DGLUCY: variants seen among roughly 807,000 people sequenced by gnomAD.
The protein encoded by DGLUCY is D-glutamate cyclase.
DGLUCY carries 58 observed loss-of-function variants against 58.5 expected under a neutral mutation model. The observed-to-expected ratio is 0.99, with a 90% CI of 0.80 to 1.23. The LOEUF (loss-of-function observed/expected upper bound fraction) is 1.23. Ranked by LOEUF, DGLUCY falls within the 50% of genes most tolerant of loss-of-function variation. The probability of loss-of-function intolerance (pLI) is 0.00; values close to 1 mark genes in which losing one functional copy is unlikely to be tolerated. For synonymous variants in DGLUCY, 325 were observed against 314.1 expected (o/e 1.03, Z -0.37); for missense variants, 779 against 784.7 (o/e 0.99, Z 0.09).
chr14:91,108,557 G>GAGAGAGAC (rs1566943432), intron 1 of DGLUCY, among the ~76,000 whole-genome samples: 1 of 149,248 alleles, frequency 6.7e-6, no homozygotes, highest in East Asian at 2.0e-4. Flanking sequence ...GAGAGAGAGA[G>GAGAGAGAC]AGACAGAGTT....
chr14:91,073,194 A>C (rs999148453), intron 1 of DGLUCY, among the ~76,000 whole-genome samples: 3 of 152,152 alleles, frequency 2.0e-5, no homozygotes, highest in Non-Finnish European at 2.9e-5. Flanking sequence ...CATGCCTAGC[A>C]CTTTGAGAGG....
intron 1 of DGLUCY, among the ~76,000 whole-genome samples, chr14:91,093,823 A>C (rs553032114): frequency 1.4e-5 from 2 of 144,354 alleles, no homozygotes; most frequent in South Asian, 4.7e-4. Context: ...AACAAACAGA[A>C]GACCATTATG....
chr14:91,193,889 C>CATTT (rs1376582230), intron 9 of DGLUCY, among the ~76,000 whole-genome samples: 1 of 150,988 alleles, frequency 6.6e-6, no homozygotes. Flanking sequence ...TAGGCATTGT[C>CATTT]ATTTCTTTCC....
intron 3 of DGLUCY, among the ~76,000 whole-genome samples, chr14:91,161,253 G>A (rs1225381391): frequency 5.3e-5 from 8 of 152,174 alleles, no homozygotes; most frequent in Admixed American, 5.2e-4. Flanking sequence ...TGTATTTTTA[G>A]TAGAGACGGG....
chr14:91,137,747 G>A (rs922783706), intron 1 of DGLUCY, among the ~76,000 whole-genome samples: 1 of 151,958 alleles, frequency 6.6e-6, no homozygotes, highest in African/African-American at 2.4e-5. Flanking sequence ...GAAGGTTAGA[G>A]TAATATTTCT....
chr14:91,146,521 G>C (rs1019651861), intron 1 of DGLUCY, among the ~76,000 whole-genome samples: 1 of 152,106 alleles, frequency 6.6e-6, no homozygotes, highest in East Asian at 1.9e-4. Flanking sequence ...TCTCATATGG[G>C]GCTCCGAGCA....
intron 1 of DGLUCY, among the ~76,000 whole-genome samples, chr14:91,061,305 T>G (rs1351024408): frequency 2.6e-5 from 4 of 152,116 alleles, no homozygotes; most frequent in Non-Finnish European, 5.9e-5. Flanking sequence ...GTTACAAAAA[T>G]TCACAGTCCC....
rs184126590 is a variant in DGLUCY, at chr14:91,210,532, C to T, written c.1565-4873C>T. Among the ~76,000 whole-genome samples the T allele has an allele frequency of 2.1e-3, 319 of 151,576 alleles. 3 individuals carry two copies. Among genetic ancestry groups the T allele is most frequent in the Middle Eastern group, 3.4e-3 (1 of 294 alleles). On this transcript the variant is annotated intron_variant, in intron 12 of 13. Transcript: ENST00000256324. ...GGCAACAGAGTGAGACTCTGTCTCT[C>T]AAAAATAAAAATAAAATAATTTTTT...
chr14:91,139,959 A>G (rs748393502), intron 1 of DGLUCY, among the ~76,000 whole-genome samples: 2 of 152,158 alleles, frequency 1.3e-5, no homozygotes, highest in African/African-American at 2.4e-5. Flanking sequence ...CCCATGTTGC[A>G]AGAGAAAGGG....
rs565991082 is a variant in DGLUCY at position 91,198,535 on chromosome 14, C to T, written c.1296-1222C>T. On this transcript the variant is annotated intron_variant, in intron 10 of 13. Coordinates refer to ENST00000256324, the MANE Select transcript of DGLUCY (RefSeq NM_001102368.3). ...CTAATTTCTGTATTTTTAGTGGAGA[C>T]AAGGTTTCACCATGTTGCCCAGGCT... Among the ~76,000 whole-genome samples, 3 of 152,024 alleles carry T rather than the reference C, an allele frequency of 2.0e-5. No homozygotes were observed. The South Asian group carries it at 6.2e-4, about 32-fold the overall frequency.
At chr14:91,088,059 C>T (rs972550476) in intron 1 of DGLUCY, among the ~76,000 whole-genome samples, 1 of 151,958 alleles carries the variant, frequency 6.6e-6, no homozygotes, top group African/African-American at 2.4e-5. Flanking sequence ...AGGAGCTGGG[C>T]AGGCAAAGGG....
chr14:91,069,974 A>C (rs939935823), intron 1 of DGLUCY, among the ~76,000 whole-genome samples: 4 of 152,034 alleles, frequency 2.6e-5, no homozygotes, highest in Non-Finnish European at 5.9e-5. Context: ...CTTTTTAAAT[A>C]AGAAGGCATT....
intron 9 of DGLUCY, among the ~76,000 whole-genome samples, chr14:91,192,645 C>T (rs1024381418): frequency 1.3e-5 from 2 of 151,896 alleles, no homozygotes; most frequent in Admixed American, 1.3e-4. Flanking sequence ...ACTAAAAATA[C>T]AAAAATTAGC....
At chr14:91,190,870 A>G (rs916877413) in intron 9 of DGLUCY, among the ~76,000 whole-genome samples, 1 of 152,122 alleles carries the variant, frequency 6.6e-6, no homozygotes, top group Non-Finnish European at 1.5e-5. Flanking sequence ...GTTGTAAGCA[A>G]TCACTGGGGT....
chr14:91,188,353 C>G (rs1319526716), intron 8 of DGLUCY, among the ~76,000 whole-genome samples: 1 of 152,176 alleles, frequency 6.6e-6, no homozygotes, highest in Non-Finnish European at 1.5e-5. Context: ...CGCGGCCACA[C>G]CAGACTGAAG....
chr14:91,182,119 T>A (rs2049217317), intron 8 of DGLUCY, among the ~76,000 whole-genome samples: 2 of 152,044 alleles, frequency 1.3e-5, no homozygotes, highest in Non-Finnish European at 2.9e-5. Context: ...TAGCTAGGAC[T>A]ATAGGCATGT....
At chr14:91,143,443 G>A (rs1328874992) in intron 1 of DGLUCY, among the ~76,000 whole-genome samples, 1 of 152,162 alleles carries the variant, frequency 6.6e-6, no homozygotes, top group African/African-American at 2.4e-5. Flanking sequence ...GGAAGTGTTC[G>A]TGGCTTGCTG....
At chr14:91,072,888 C>A (rs141654995) in intron 1 of DGLUCY, among the ~76,000 whole-genome samples, 43,296 of 151,620 alleles carry the variant, frequency 0.29, 6,279 homozygotes, top group Middle Eastern at 0.32. Flanking sequence ...GGGCGCCTGT[C>A]GTCCCAGCTA....
intron 1 of DGLUCY, among the ~76,000 whole-genome samples, chr14:91,122,607 T>G (rs1169552993): frequency 6.1e-5 from 8 of 132,176 alleles, no homozygotes; most frequent in Non-Finnish European, 1.3e-4. Flanking sequence ...AAAAAGTTTT[T>G]TTTTTTTTTT....
Sources: allele counts gnomAD v4.1 joint callset (sites outside exome capture counted in the v4.1 genomes callset), GRCh38; gene constraint gnomAD v4.1.1; transcripts MANE v1.5; gene names NCBI Gene and HGNC (gene_info 2026-07-23, HGNC 2026-07-21).